THSD7A: variants seen among roughly 807,000 people sequenced by gnomAD.
THSD7A encodes the protein thrombospondin type 1 domain containing 7A.
A neutral mutation model predicts 231.3 loss-of-function variants in THSD7A; 96 were observed. That is an observed-to-expected ratio of 0.41 (90% CI 0.35 to 0.49). THSD7A has a LOEUF of 0.49. Among genes scored for constraint, THSD7A ranks in the 20% least tolerant of loss-of-function variants. The pLI is 0.05. For synonymous variants in THSD7A, 940 were observed against 743.3 expected (o/e 1.26, Z -4.30); for missense variants, 2,290 against 2,070.2 (o/e 1.11, Z -2.06).
intron 6 of THSD7A, among the ~76,000 whole-genome samples, chr7:11,493,169 CAAAG>C (rs1786969265): frequency 6.6e-6 from 1 of 152,002 alleles, no homozygotes; most frequent in African/African-American, 2.4e-5. Flanking sequence ...TGTTGATTGA[CAAAG>C]AAAGTGTCTA....
At chr7:11,554,354 AG>A in intron 4 of THSD7A, among the ~76,000 whole-genome samples, 1 of 152,204 alleles carries the variant, frequency 6.6e-6, no homozygotes, top group African/African-American at 2.4e-5. Context: ...CTACAAGCCA[AG>A]GAACACCAAG....
At chr7:11,415,227 C>T (rs139374209) in intron 17 of THSD7A, among the ~76,000 whole-genome samples, 1 of 152,192 alleles carries the variant, frequency 6.6e-6, no homozygotes, top group Non-Finnish European at 1.5e-5. Flanking sequence ...AAAAGGGAAG[C>T]GTAAGCTTGG....
At chr7:11,572,492 T>C (rs1454026013) in intron 4 of THSD7A, among the ~76,000 whole-genome samples, 1 of 152,160 alleles carries the variant, frequency 6.6e-6, no homozygotes, top group African/African-American at 2.4e-5. Context: ...TTTTCCTTTA[T>C]GTCTTTGAAC....
At position 11,417,616 on chromosome 7, in the gene THSD7A, A is replaced by T; in HGVS notation, c.3384-13T>A. 1 of 1,592,048 alleles carries T rather than the reference A, an allele frequency of 6.3e-7. No individual in the cohort carries two copies. Among genetic ancestry groups the T allele is most frequent in the Middle Eastern group, 1.7e-4 (1 of 5,918 alleles). On this transcript the variant is annotated splice_polypyrimidine_tract_variant and intron_variant, in intron 16 of 27. Transcript: ENST00000423059. ...ATTCTGCATGCATCTAGAAAAGAACATAAACATATTCTAGAAAATATACAT... is the reference window on the plus strand; with the variant it reads ...ATTCTGCATGCATCTAGAAAAGAACTTAAACATATTCTAGAAAATATACAT...
At chr7:11,763,752 G>A (rs1265161712) in intron 1 of THSD7A, among the ~76,000 whole-genome samples, 5 of 152,044 alleles carry the variant, frequency 3.3e-5, no homozygotes, top group Admixed American at 1.3e-4. Context: ...TACGGTTCCT[G>A]CCTTTCTAGG....
chr7:11,401,333 C>T (rs2115356286), intron 23 of THSD7A, among the ~76,000 whole-genome samples: 1 of 152,282 alleles, frequency 6.6e-6, no homozygotes, highest in East Asian at 1.9e-4. Flanking sequence ...CAGGATGTTC[C>T]ATCTTTCCAA....
intron 1 of THSD7A, among the ~76,000 whole-genome samples, chr7:11,648,817 A>ATCTT (rs1782385496): frequency 6.6e-6 from 1 of 151,956 alleles, no homozygotes; most frequent in East Asian, 1.9e-4. Flanking sequence ...TCTGAAATAT[A>ATCTT]TCTTATGACA....
chr7:11,478,557 G>C (rs1053488665), intron 7 of THSD7A, among the ~76,000 whole-genome samples: 1 of 151,940 alleles, frequency 6.6e-6, no homozygotes, highest in African/African-American at 2.4e-5. Context: ...TTCAGGAAAG[G>C]AGAAAAAGAG....
intron 6 of THSD7A, among the ~76,000 whole-genome samples, chr7:11,494,344 C>G (rs1264166334): frequency 2.0e-5 from 3 of 151,910 alleles, no homozygotes; most frequent in Non-Finnish European, 2.9e-5. Flanking sequence ...ACTCTTAATT[C>G]CCACTGTTTT....
At chr7:11,718,591 A>G (rs535294792) in intron 1 of THSD7A, among the ~76,000 whole-genome samples, 2 of 151,778 alleles carry the variant, frequency 1.3e-5, no homozygotes, top group Admixed American at 1.3e-4. Flanking sequence ...ATTTTCCTTT[A>G]AATCATCAAT....
In THSD7A at chr7:11,634,604, C is replaced by G. The variant is rs1184866685; in HGVS notation, c.1022+1526G>C. Reference sequence around the variant, plus strand: ...ACAGAATCAGAGGTACACACACACACACACACATACACACACACACATTTA... The same window carrying G: ...ACAGAATCAGAGGTACACACACACAGACACACATACACACACACACATTTA... On this transcript the variant is annotated intron_variant, in intron 2 of 27. Transcript: ENST00000423059. This position sits in a 1 kb window ranked among gnomAD's most constrained non-coding sequence, Gnocchi z 4.1. 5.9e-5 allele frequency among the ~76,000 whole-genome samples: 9 copies of G among 151,938 alleles called. No homozygotes were observed. Among genetic ancestry groups the G allele is most frequent in the Non-Finnish European group, 1.5e-5 (1 of 67,976 alleles).
intron 8 of THSD7A, among the ~76,000 whole-genome samples, chr7:11,473,020 C>T (rs1785999865): frequency 6.6e-6 from 1 of 152,172 alleles, no homozygotes; most frequent in Non-Finnish European, 1.5e-5. Flanking sequence ...AGATTCATCA[C>T]AGCTTTAGCA....
chr7:11,475,439 C>G (rs1240471001), intron 7 of THSD7A, among the ~76,000 whole-genome samples: 5 of 151,782 alleles, frequency 3.3e-5, no homozygotes, highest in Admixed American at 6.6e-5. Context: ...GTGAAGCCTG[C>G]GTAAGTCCTG....
intron 1 of THSD7A, among the ~76,000 whole-genome samples, chr7:11,781,575 A>C (rs1783633900): frequency 6.6e-6 from 1 of 152,176 alleles, no homozygotes; most frequent in Non-Finnish European, 1.5e-5. Flanking sequence ...TTATTCATAC[A>C]TGGTTCATGT....
intron 1 of THSD7A, among the ~76,000 whole-genome samples, chr7:11,706,630 C>CTTGTTTTTTTTTTTTTTTTTTTTT (rs1780776448): frequency 1.5e-5 from 1 of 66,420 alleles, no homozygotes; most frequent in African/African-American, 6.2e-5. Flanking sequence ...TAACAAGGTG[C>CTTGTTTTTTTTTTTTTTTTTTTTT]TTTTTTTTTT....
chr7:11,375,737 C>A lies in THSD7A; in HGVS notation c.*57G>T. The A allele has an allele frequency of 7.1e-7, 1 of 1,416,632 alleles. No individual in the cohort carries two copies. The highest frequency in any genetic ancestry group is 9.9e-7 in the Non-Finnish European group (1 of 1,005,876). The allele number at this position is 1,416,632 out of a possible 1,614,324, so 87.8% of individuals were successfully genotyped here. Reference sequence around the variant, plus strand: ...AGTTTGGATACATTTGTTGTGGCCTCTGGACATCTATGAAGTCAGAAAGCC... The same window carrying A: ...AGTTTGGATACATTTGTTGTGGCCTATGGACATCTATGAAGTCAGAAAGCC... On this transcript the variant is annotated 3_prime_UTR_variant, in exon 28 of 28. Transcript: ENST00000423059.
chr7:11,666,008 G>C (rs148926188), intron 1 of THSD7A, among the ~76,000 whole-genome samples: 2 of 151,996 alleles, frequency 1.3e-5, no homozygotes, highest in African/African-American at 4.8e-5. Flanking sequence ...GCTGGATAAC[G>C]GTGACAGGTA....
At chr7:11,496,701 T>G (rs1478492105) in intron 6 of THSD7A, among the ~76,000 whole-genome samples, 1 of 152,162 alleles carries the variant, frequency 6.6e-6, no homozygotes, top group East Asian at 1.9e-4. Flanking sequence ...GCAGGAGATA[T>G]TATCTCACTT....
chr7:11,649,819 C>T (rs1427747646), intron 1 of THSD7A, among the ~76,000 whole-genome samples: 1 of 152,006 alleles, frequency 6.6e-6, no homozygotes, highest in African/African-American at 2.4e-5. Flanking sequence ...AAGGGTGCCA[C>T]CTTTCTTATC....
Sources: allele counts gnomAD v4.1 joint callset (sites outside exome capture counted in the v4.1 genomes callset), GRCh38; gene constraint gnomAD v4.1.1; non-coding constraint Gnocchi (gnomAD v3.1); transcripts MANE v1.5; gene names NCBI Gene and HGNC (gene_info 2026-07-23, HGNC 2026-07-21).